WWP2: variants seen among roughly 807,000 people sequenced by gnomAD.
WWP2 encodes the protein NEDD4-like E3 ubiquitin-protein ligase WWP2.
WWP2 carries 57 observed loss-of-function variants against 121.0 expected under a neutral mutation model. The observed-to-expected ratio is 0.47, with a 90% CI of 0.38 to 0.59. The LOEUF (loss-of-function observed/expected upper bound fraction) is 0.59. WWP2 is among the 20% of genes least tolerant of loss of function. The pLI is 0.00. For missense variants in WWP2, 962 were observed against 1,158.9 expected (o/e 0.83, Z 2.47); for synonymous variants, 449 against 441.3 (o/e 1.02, Z -0.22).
chr16:69,868,063 G>C (rs1228953219), intron 6 of WWP2, among the ~76,000 whole-genome samples: 1 of 152,226 alleles, frequency 6.6e-6, no homozygotes, highest in African/African-American at 2.4e-5. Flanking sequence ...CTCAGATGTT[G>C]AGGCCTTTTC....
At chr16:69,800,072 G>A (rs559959195) in intron 4 of WWP2, among the ~76,000 whole-genome samples, 5 of 152,110 alleles carry the variant, frequency 3.3e-5, no homozygotes, top group East Asian at 1.9e-4. Context: ...GGAGAGTTGC[G>A]TCCCAGCGAG....
chr16:69,806,953 T>TATTCATTCATTC (rs200681828), intron 4 of WWP2, among the ~76,000 whole-genome samples: 15 of 146,062 alleles, frequency 1.0e-4, no homozygotes, highest in African/African-American at 2.1e-4. Flanking sequence ...TTTATTTATT[T>TATTCATTCATTC]ATTCATTCAT....
chr16:69,826,963 GGC>G (rs374802744), intron 4 of WWP2, among the ~76,000 whole-genome samples: 2,741 of 21,918 alleles, frequency 0.13, 160 homozygotes, highest in Admixed American at 0.16. Context: ...AAGGGGGGGG[GGC>G]GGAGAGAATA....
chr16:69,933,386 G>T (rs2058747476), intron 16 of WWP2, among the ~76,000 whole-genome samples: 1 of 152,166 alleles, frequency 6.6e-6, no homozygotes, highest in Non-Finnish European at 1.5e-5. Context: ...GTCTGGGGGT[G>T]AAGGGAGGGC....
intron 6 of WWP2, among the ~76,000 whole-genome samples, chr16:69,846,048 T>TGAAAAAAAAAAA (rs1567700143): frequency 4.6e-3 from 8 of 1,724 alleles, no homozygotes; most frequent in African/African-American, 0.018. Context: ...AGACTCCATC[T>TGAAAAAAAAAAA]CAAAAAAAAA....
intron 1 of WWP2, among the ~76,000 whole-genome samples, chr16:69,766,219 C>T (rs894719319): frequency 5.3e-5 from 8 of 152,190 alleles, no homozygotes; most frequent in African/African-American, 1.9e-4. Flanking sequence ...TGACTCGTCT[C>T]TTCCTCTCAC....
At chr16:69,894,221 G>A (rs901615314) in intron 8 of WWP2, among the ~76,000 whole-genome samples, 4 of 150,884 alleles carry the variant, frequency 2.7e-5, no homozygotes, top group Admixed American at 6.6e-5. Context: ...GACTACAGGC[G>A]CATGCCACTA....
At chr16:69,834,568 C>T (rs1371157194) in intron 4 of WWP2, among the ~76,000 whole-genome samples, 1 of 146,624 alleles carries the variant, frequency 6.8e-6, no homozygotes, top group East Asian at 2.0e-4. Flanking sequence ...GCTCTTGTTG[C>T]CCAGGCTGTG....
At chr16:69,905,005 C>T (rs1199988985) in intron 8 of WWP2, among the ~76,000 whole-genome samples, 1 of 152,148 alleles carries the variant, frequency 6.6e-6, no homozygotes, top group African/African-American at 2.4e-5. Flanking sequence ...TTTTTTGTAA[C>T]AAATAGCTGG....
chr16:69,841,288 A>G (rs7202223), intron 5 of WWP2, among the ~76,000 whole-genome samples: 57,817 of 152,024 alleles, frequency 0.38, 11,228 homozygotes, highest in Admixed American at 0.49. Flanking sequence ...ACAGGGTGCT[A>G]TGAGATTCCT....
chr16:69,830,785 C>G (rs1321628803), intron 4 of WWP2, among the ~76,000 whole-genome samples: 1 of 152,186 alleles, frequency 6.6e-6, no homozygotes, highest in South Asian at 2.1e-4. Context: ...ACAGTAAATC[C>G]TGGAATCATC....
chr16:69,846,952 GGCT>G (rs1455450068), intron 6 of WWP2, among the ~76,000 whole-genome samples: 1 of 152,106 alleles, frequency 6.6e-6, no homozygotes, highest in Non-Finnish European at 1.5e-5. Context: ...AGAGTGCAGT[GGCT>G]CACCCACAGC....
rs778712560 is a variant in WWP2 at position 69,799,319 on chromosome 16, G to T, written c.340+24G>T. On this transcript the variant is annotated intron_variant, in intron 4 of 23. Transcript: ENST00000359154. This position sits in a 1 kb window ranked among gnomAD's most constrained non-coding sequence, Gnocchi z 4.5. ...AAGTACGTATGATGAAGGGGGTGCC[G>T]ACGTGATTCTTGGGTGGGGATGGGA... 34 of 1,606,606 alleles carry T rather than the reference G, an allele frequency of 2.1e-5. No homozygotes were observed. The highest frequency in any genetic ancestry group is 2.7e-5 in the Non-Finnish European group (32 of 1,176,332).
intron 4 of WWP2, among the ~76,000 whole-genome samples, chr16:69,806,973 C>T (rs1233375079): frequency 6.7e-6 from 1 of 149,750 alleles, no homozygotes; most frequent in Admixed American, 6.7e-5. Context: ...TTCATTCATT[C>T]ATTCATTCAT....
At chr16:69,919,108 TGCTG>T (rs2058518145) in intron 10 of WWP2, among the ~76,000 whole-genome samples, 1 of 18,086 alleles carries the variant, frequency 5.5e-5, no homozygotes, top group Admixed American at 5.8e-4. Context: ...CCTCCCAAAG[TGCTG>T]GGATTACAAG....
intron 6 of WWP2, among the ~76,000 whole-genome samples, chr16:69,852,614 G>A (rs1164915752): frequency 1.3e-5 from 2 of 152,150 alleles, no homozygotes; most frequent in Non-Finnish European, 2.9e-5. Context: ...TATTCCATCT[G>A]TATATCTTCT....
Position 69,935,605 on chromosome 16 carries a change from C to T in WWP2, c.1843-248C>T, listed in dbSNP as rs2058785396. Among the ~76,000 whole-genome samples the T allele has an allele frequency of 6.6e-6, 1 of 152,218 alleles. No individual in the cohort carries two copies. Among genetic ancestry groups the T allele is most frequent in the African/African-American group, 2.4e-5 (1 of 41,456 alleles). On this transcript the variant is annotated intron_variant, in intron 17 of 23. Coordinates refer to ENST00000359154, the MANE Select transcript of WWP2 (RefSeq NM_001270454.2). The surrounding 1 kb of genome is among the most constrained non-coding windows in gnomAD (Gnocchi z 5.2). ...GCGGGCCCGGACGTGGGTTCCCGCA[C>T]CAGCTGGCTCTGCCCAGTCCTTGCG...
At chr16:69,807,607 A>G (rs2056305831) in intron 4 of WWP2, among the ~76,000 whole-genome samples, 1 of 130,742 alleles carries the variant, frequency 7.6e-6, no homozygotes, top group African/African-American at 2.9e-5. Context: ...TGACAGAGCA[A>G]GACCCTTTCT....
chr16:69,917,511 A>G (rs1474427706), intron 9 of WWP2, 198 bp from the exon 10 acceptor site: 2 of 523,168 alleles, frequency 3.8e-6, no homozygotes, highest in Non-Finnish European at 6.5e-6. Context: ...TGGATCCCCA[A>G]ATTAGAAATT....
Sources: gnomAD v4.1 joint callset for allele counts (sites outside exome capture counted in the v4.1 genomes callset) on GRCh38, gnomAD v4.1.1 for gene constraint, Gnocchi (gnomAD v3.1) non-coding constraint, MANE v1.5 for transcripts, NCBI Gene and HGNC (gene_info 2026-07-23, HGNC 2026-07-21) for gene names.